The following PTPRD variants were observed in gnomAD, a reference collection of about 807,000 sequenced individuals.
The protein encoded by PTPRD is receptor-type tyrosine-protein phosphatase delta.
A neutral mutation model predicts 214.5 loss-of-function variants in PTPRD; 34 were observed. That is an observed-to-expected ratio of 0.16 (90% confidence interval 0.12 to 0.21). PTPRD has a LOEUF of 0.21. Among genes scored for constraint, PTPRD ranks in the 10% least tolerant of loss-of-function variants. The pLI is 1.00. For synonymous variants in PTPRD, 1,128 were observed against 845.7 expected (o/e 1.33, Z -5.79); for missense variants, 2,545 against 2,398.7 (o/e 1.06, Z -1.27).
chr9:8,457,300 T>C (rs946082830), intron 33 of PTPRD, among the ~76,000 whole-genome samples: 3 of 152,134 alleles, frequency 2.0e-5, no homozygotes, highest in South Asian at 2.1e-4. Context: ...TGCTACTATC[T>C]TATCTCTGGA....
intron 4 of PTPRD, among the ~76,000 whole-genome samples, chr9:9,943,908 C>T (rs1355807089): frequency 6.6e-6 from 1 of 152,126 alleles, no homozygotes; most frequent in East Asian, 1.9e-4. Context: ...CCTAAGCTGT[C>T]CATGCTCCTT....
Position 8,728,122 on chromosome 9 carries a change from C to T in PTPRD, c.64+5658G>A, listed in dbSNP as rs562525745. ...AAAATTAGCCAGGTGTGGTGGCACA[C>T]GCCTGTAATCCCAGCTACTAGAGAG... On this transcript the variant is annotated intron_variant, in intron 12 of 45. Coordinates refer to ENST00000381196, the MANE Select transcript of PTPRD (RefSeq NM_002839.4). Among the ~76,000 whole-genome samples, 5 of 152,122 alleles carry T rather than the reference C, an allele frequency of 3.3e-5. No homozygotes were observed. In the South Asian group the frequency reaches 6.2e-4, roughly 19 times the overall value.
At chr9:10,402,650 G>T (rs1218998596) in intron 2 of PTPRD, among the ~76,000 whole-genome samples, 1 of 151,610 alleles carries the variant, frequency 6.6e-6, no homozygotes, top group Non-Finnish European at 1.5e-5. Context: ...ATAAACTGAA[G>T]AAACTAAACT....
intron 10 of PTPRD, among the ~76,000 whole-genome samples, chr9:9,169,149 A>G (rs78022948): frequency 0.015 from 2,257 of 152,076 alleles, 61 homozygotes; most frequent in African/African-American, 0.053. Context: ...TGCTTAATAA[A>G]TCTTATAGAG....
chr9:9,796,012 G>C (rs1275439602), intron 5 of PTPRD, among the ~76,000 whole-genome samples: 2 of 151,790 alleles, frequency 1.3e-5, no homozygotes, highest in Admixed American at 1.3e-4. Flanking sequence ...TAGAATTACA[G>C]AATTATATTA....
chr9:9,507,978 T>C (rs1383473471), intron 8 of PTPRD, among the ~76,000 whole-genome samples: 1 of 151,574 alleles, frequency 6.6e-6, no homozygotes, highest in African/African-American at 2.4e-5. Context: ...TTCTTTATTA[T>C]TGTATCAATA....
chr9:8,500,667 G>C lies in PTPRD; in HGVS notation c.2128+87C>G, dbSNP rs2097381851. 2.3e-5 allele frequency: 28 copies of C among 1,226,790 alleles called. No individual in the cohort carries two copies. The South Asian group carries it at 3.2e-4, about 14-fold the overall frequency. The allele number at this position is 1,226,790 out of a possible 1,614,324, so 76.0% of individuals were successfully genotyped here. A position where few individuals can be genotyped will look rare whatever the true frequency, so the allele number is the denominator to read the frequency against. ...AATGCTGGGTAAAAAGATGAGCAGAGAAAAAAGATTACTGTGAGCCTATTG... is the reference window on the plus strand; with the variant it reads ...AATGCTGGGTAAAAAGATGAGCAGACAAAAAAGATTACTGTGAGCCTATTG... On this transcript the variant is annotated intron_variant, in intron 24 of 45. Coordinates refer to ENST00000381196, the MANE Select transcript of PTPRD (RefSeq NM_002839.4).
intron 5 of PTPRD, among the ~76,000 whole-genome samples, chr9:9,907,689 T>C (rs947036040): frequency 1.3e-5 from 2 of 151,944 alleles, no homozygotes; most frequent in African/African-American, 2.4e-5. Flanking sequence ...TTCAGTCCCA[T>C]AAAAGTGAAC....
At chr9:9,193,355 G>A (rs189878238) in intron 9 of PTPRD, among the ~76,000 whole-genome samples, 1 of 152,012 alleles carries the variant, frequency 6.6e-6, no homozygotes, top group African/African-American at 2.4e-5. Flanking sequence ...ATTTTAAGGG[G>A]GCAAATACAA....
At chr9:8,434,036 C>A (rs963834987) in intron 35 of PTPRD, among the ~76,000 whole-genome samples, 3 of 152,096 alleles carry the variant, frequency 2.0e-5, no homozygotes, top group African/African-American at 7.2e-5. Context: ...GGCTGGAGTG[C>A]AATGGTGCGA....
chr9:9,619,973 GGAGAAAGAGAGAGAGAAAGA>G (rs1452972520), intron 7 of PTPRD, among the ~76,000 whole-genome samples: 1 of 151,392 alleles, frequency 6.6e-6, no homozygotes, highest in Admixed American at 6.6e-5. Flanking sequence ...ACATATATAT[GGAGAAAGAGAGAGAGAAAGA>G]GAGAAAGAGA....
intron 11 of PTPRD, among the ~76,000 whole-genome samples, chr9:8,990,475 G>A (rs773823653): frequency 6.6e-6 from 1 of 152,090 alleles, no homozygotes; most frequent in East Asian, 1.9e-4. Flanking sequence ...ATACCAAAGT[G>A]AAAGCCTCAG....
intron 6 of PTPRD, among the ~76,000 whole-genome samples, chr9:9,745,798 C>G (rs2098451633): frequency 6.6e-6 from 1 of 152,038 alleles, no homozygotes; most frequent in South Asian, 2.1e-4. Flanking sequence ...TTCCCTGACC[C>G]CATCACAGTG....
chr9:10,208,431 G>A (rs1253835366), intron 3 of PTPRD, among the ~76,000 whole-genome samples: 5 of 152,154 alleles, frequency 3.3e-5, no homozygotes, highest in Admixed American at 6.5e-5. Flanking sequence ...GGAGAAGGGC[G>A]TGAACCCGGG....
chr9:10,208,480 C>G (rs61349380), intron 3 of PTPRD, among the ~76,000 whole-genome samples: 4,219 of 152,306 alleles, frequency 0.028, 183 homozygotes, highest in African/African-American at 0.096. Flanking sequence ...CGCCACTGCA[C>G]TCCAGCCTGG....
intron 7 of PTPRD, among the ~76,000 whole-genome samples, chr9:9,709,058 A>C (rs1318063519): frequency 6.6e-6 from 1 of 152,030 alleles, no homozygotes; most frequent in Admixed American, 6.6e-5. Context: ...GAATGTCAAT[A>C]GTTTAAGATC....
chr9:10,017,581 T>C (rs561800275), intron 4 of PTPRD, among the ~76,000 whole-genome samples: 17 of 152,248 alleles, frequency 1.1e-4, no homozygotes, highest in Admixed American at 2.0e-4. Context: ...TTTAAATCTT[T>C]AGTTCATTTA....
At chr9:9,117,375 A>C (rs948140091) in intron 10 of PTPRD, among the ~76,000 whole-genome samples, 1 of 152,172 alleles carries the variant, frequency 6.6e-6, no homozygotes, top group African/African-American at 2.4e-5. Context: ...CTACCATTTT[A>C]ATAACTTAAA....
intron 2 of PTPRD, among the ~76,000 whole-genome samples, chr9:10,601,488 T>G: frequency 6.6e-6 from 1 of 151,792 alleles, no homozygotes; most frequent in Non-Finnish European, 1.5e-5. Context: ...ACTACATCTG[T>G]TTGTCTGTGG....
Sources: allele counts gnomAD v4.1 joint callset (sites outside exome capture counted in the v4.1 genomes callset), GRCh38; gene constraint gnomAD v4.1.1; transcripts MANE v1.5; gene names NCBI Gene and HGNC (gene_info 2026-07-23, HGNC 2026-07-21).